The following NUDT22 variants were observed in gnomAD, a reference collection of about 807,000 sequenced individuals.
The protein encoded by NUDT22 is uridine diphosphate glucose pyrophosphatase NUDT22.
In NUDT22, 23 loss-of-function variants were observed where a neutral mutation model predicts 28.8. The observed-to-expected ratio is 0.80, with a 90% CI of 0.58 to 1.13. NUDT22 has a LOEUF of 1.13. Ranked by LOEUF, NUDT22 falls within the 50% of genes most tolerant of loss-of-function variation. The pLI is 0.00. For missense variants in NUDT22, 358 were observed against 387.3 expected (o/e 0.92, Z 0.64); for synonymous variants, 175 against 173.7 (o/e 1.01, Z -0.06).
chr11:64,229,581 G>A lies in NUDT22; in HGVS notation c.771+10G>A. ...CTTTGTGGAGACACAGGTGCAGAGT[G>A]ACAAACCATCTTGCTTGGAGGCCAG... is the stretch of plus-strand genomic sequence containing the variant. On this transcript the variant is annotated intron_variant, in intron 5 of 5. Coordinates refer to ENST00000279206, the MANE Select transcript of NUDT22 (RefSeq NM_032344.4). 1 of 1,612,864 alleles carries A rather than the reference G, an allele frequency of 6.2e-7. No individual in the cohort carries two copies. The highest frequency in any genetic ancestry group is 1.1e-5 in the South Asian group (1 of 91,050).
intron 2 of NUDT22, 102 bp downstream of exon 2, chr11:64,227,234 G>GAA (rs770152461): frequency 3.4e-5 from 47 of 1,402,972 alleles, no homozygotes; most frequent in Non-Finnish European, 4.5e-5. Context: ...TCCTTAAAGG[G>GAA]AAAATTGGCC....
In NUDT22 at chr11:64,229,541, G is replaced by A. The variant is rs1947136378; in HGVS notation, c.741G>A (p.Glu247=). ...HYLSGGPEAH[E]STGIFFVETQ... ...TGAGTGGGGGACCCGAGGCCCACGA[G>A]TCTACAGGAATCTTCTTTGTGGAGA... Residue 247 remains glutamate (E), a synonymous_variant, in exon 5 of 6, where the codon GAG becomes GAA. Coordinates refer to ENST00000279206, the MANE Select transcript of NUDT22 (RefSeq NM_032344.4). The A allele has an allele frequency of 6.2e-7, 1 of 1,614,186 alleles. No individual in the cohort carries two copies.
At chr11:64,227,932 C>T (rs1357089964) in intron 3 of NUDT22, 10 of 399,996 alleles carry the variant, frequency 2.5e-5, no homozygotes, top group African/African-American at 4.2e-5. Flanking sequence ...TGCAGTGGCA[C>T]GATCTCTGCT....
At chr11:64,227,386 G>A (rs182893079) in intron 2 of NUDT22, 182 bp from the exon 3 acceptor site, 1 of 724,536 alleles carries the variant, frequency 1.4e-6, no homozygotes, top group South Asian at 1.5e-5. Flanking sequence ...TGCCCCCTGT[G>A]TATCTCCTTT....
At chr11:64,229,673 C>A in intron 5 of NUDT22, 102 bp downstream of exon 5, 1 of 1,364,968 alleles carries the variant, frequency 7.3e-7, no homozygotes. Context: ...GTCACAATTC[C>A]CTCCAGAGTC....
At chr11:64,229,624 G>T (rs1947138205) in intron 5 of NUDT22, 53 bp downstream of exon 5, 2 of 1,491,530 alleles carry the variant, frequency 1.3e-6, no homozygotes, top group African/African-American at 2.8e-5. Context: ...GCCTGCAGAG[G>T]CCTGGCAATG....
At chr11:64,229,605 A>G (rs1189639484) in intron 5 of NUDT22, 34 bp downstream of exon 5, 2 of 1,583,396 alleles carry the variant, frequency 1.3e-6, no homozygotes, top group Non-Finnish European at 1.7e-6. Flanking sequence ...CTTGGAGGCC[A>G]GGGCTGGGGC....
chr11:64,229,180 G>T, intron 3 of NUDT22, 67 bp from the exon 4 acceptor site: 1 of 1,130,128 alleles, frequency 8.8e-7, no homozygotes, highest in Admixed American at 2.4e-5. Context: ...TTTTCATTGA[G>T]ACGGGCAGGG....
intron 1 of NUDT22, 26 bp from the exon 2 acceptor site, chr11:64,226,609 A>T (rs1947028020): frequency 6.6e-7 from 1 of 1,525,974 alleles, no homozygotes; most frequent in African/African-American, 1.4e-5. Context: ...CCCCTGGATG[A>T]CAGGCCTGGC....
At chr11:64,227,172 AG>A in intron 2 of NUDT22, 40 bp downstream of exon 2, 7 of 1,553,184 alleles carry the variant, frequency 4.5e-6, no homozygotes, top group Non-Finnish European at 6.1e-6. Context: ...AGACAGCTCA[AG>A]GGAGCTGCAG....
chr11:64,227,123 T>G lies in NUDT22; in HGVS notation c.471T>G (p.Pro157=), dbSNP rs756610922. 1.3e-5 allele frequency: 21 copies of G among 1,589,228 alleles called. No individual in the cohort carries two copies. Among genetic ancestry groups the G allele is most frequent in the Non-Finnish European group, 1.8e-5 (21 of 1,172,822 alleles). ...TGGTGGACGTACCTGGTGGGCACCC[T>G]GAGCCTCAGGTGAGATTCCAGGCTG... ...PGLVDVPGGH[P]EPQALCPGGS... Residue 157 remains proline (P), a synonymous_variant, in exon 2 of 6, where the codon CCT becomes CCG. Coordinates refer to ENST00000279206, the MANE Select transcript of NUDT22 (RefSeq NM_032344.4).
downstream of NUDT22, chr11:64,230,051 G>C (rs1278252150): frequency 1.3e-6 from 2 of 1,543,510 alleles, no homozygotes; most frequent in Non-Finnish European, 1.8e-6. Context: ...TAACAGAGAG[G>C]AGCAATGGGC....
At chr11:64,229,220 C>A (rs778650848) in intron 3 of NUDT22, 27 bp from the exon 4 acceptor site, 1 of 1,504,332 alleles carries the variant, frequency 6.6e-7, no homozygotes, top group Admixed American at 2.0e-5. Context: ...TAGGTGGGAC[C>A]TCCCCCCACC....
rs1947016239 is a variant in NUDT22 at position 64,226,333 on chromosome 11, T to C, written c.-113T>C. 8.4e-6 allele frequency: 10 copies of C among 1,192,680 alleles called. No individual in the cohort carries two copies. Among genetic ancestry groups the C allele is most frequent in the South Asian group, 3.1e-5 (1 of 31,958 alleles). The allele number at this position is 1,192,680 out of a possible 1,614,324, so 73.9% of individuals were successfully genotyped here. On this transcript the variant is annotated 5_prime_UTR_variant, in exon 1 of 6. Coordinates refer to ENST00000279206, the MANE Select transcript of NUDT22 (RefSeq NM_032344.4). Reference sequence around the variant, plus strand: ...GCTGGAGGCTGGAGCTTCCGGGCCCTGGAAAGGGGTCCCCGCGCGCCCCGG... The same window carrying C: ...GCTGGAGGCTGGAGCTTCCGGGCCCCGGAAAGGGGTCCCCGCGCGCCCCGG...
rs772833381 is a variant in NUDT22 at position 64,227,202 on chromosome 11, C to G, written c.480+70C>G. 1.8e-5 allele frequency: 28 copies of G among 1,520,300 alleles called. No individual in the cohort carries two copies. In the South Asian group the frequency reaches 3.1e-4, roughly 17 times the overall value. The allele number at this position is 1,520,300 out of a possible 1,614,324, so 94.2% of individuals were successfully genotyped here. ...GCTGCAGCTCTCCACCCTCCCAATC[C>G]TCCCAGCTTTGGTTTCCTCATTCCT... On this transcript the variant is annotated intron_variant, in intron 2 of 5. Transcript: ENST00000279206.
At chr11:64,227,371 A>G in intron 2 of NUDT22, 197 bp from the exon 3 acceptor site, 2 of 724,538 alleles carry the variant, frequency 2.8e-6, no homozygotes, top group Non-Finnish European at 4.9e-6. Context: ...GCCCTACTCC[A>G]CCCCTGCCCC....
chr11:64,226,570 A>G, intron 1 of NUDT22, 65 bp from the exon 2 acceptor site: 2 of 1,503,036 alleles, frequency 1.3e-6, no homozygotes, highest in Non-Finnish European at 1.8e-6. Flanking sequence ...AGAGGGGGCT[A>G]GCTGCGCAGC....
intron 3 of NUDT22, among the ~76,000 whole-genome samples, chr11:64,228,275 T>C (rs974282543): frequency 2.0e-5 from 3 of 151,270 alleles, no homozygotes; most frequent in African/African-American, 7.3e-5. Flanking sequence ...CTTCGCCTCC[T>C]GGGTTCAAGT....
chr11:64,226,828 C>T lies in NUDT22; in HGVS notation c.176C>T (p.Pro59Leu). ...GCCCAACCCTGGCTCTTCGACGCCC[C>T]CAAGTTCCGCCTGCACTCAGCCACC... ...LKAQPWLFDA[P>L]KFRLHSATLA... Residue 59 changes from proline to leucine, a missense_variant, in exon 2 of 6, where the codon CCC becomes CTC. Coordinates refer to ENST00000279206, the MANE Select transcript of NUDT22 (RefSeq NM_032344.4). 1 of 1,609,452 alleles carries T rather than the reference C, an allele frequency of 6.2e-7. No homozygotes were observed. Among genetic ancestry groups the T allele is most frequent in the Non-Finnish European group, 8.5e-7 (1 of 1,179,934 alleles).
Sources: gnomAD v4.1 joint callset for allele counts (sites outside exome capture counted in the v4.1 genomes callset) on GRCh38, gnomAD v4.1.1 for gene constraint, MANE v1.5 for transcripts, NCBI Gene and HGNC (gene_info 2026-07-23, HGNC 2026-07-21) for gene names.